PAXIP1: variants seen among roughly 807,000 people sequenced by gnomAD.
PAXIP1 encodes the protein PAX-interacting protein 1.
A neutral mutation model predicts 140.6 loss-of-function variants in PAXIP1; 19 were observed. The ratio of observed to expected loss-of-function variants is 0.14; its 90% CI spans 0.09 to 0.20. The LOEUF is 0.20. PAXIP1 is among the 10% of genes least tolerant of loss of function. The pLI is 1.00. For missense variants in PAXIP1, 920 were observed against 1,208.6 expected (o/e 0.76, Z 3.54); for synonymous variants, 442 against 444.6 (o/e 0.99, Z 0.07).
chr7:154,961,046 C>T lies in PAXIP1; in HGVS notation c.2281G>A (p.Glu761Lys). 6.3e-7 allele frequency: 1 copy of T among 1,589,758 alleles called. No individual in the cohort carries two copies. The highest frequency in any genetic ancestry group is 1.7e-4 in the Middle Eastern group (1 of 6,000). Reference sequence around the variant, plus strand: ...GCGTTGACACAGGGTATCCTCCACTCTTTGGCTTTTTCATACTTTAAACCA... The same window carrying T: ...GCGTTGACACAGGGTATCCTCCACTTTTTGGCTTTTTCATACTTTAAACCA... ...PTGLKYEKAK[E>K]WRIPCVNAQW... Residue 761 changes from glutamate (E) to lysine (K), a missense_variant, in exon 12 of 21, where the codon GAG becomes AAG. Glu to Lys is a moderately conservative substitution (Grantham distance 56, BLOSUM62 1). This residue lies in a region of PAXIP1 where 303 missense variants were observed against 517.9 expected (regional missense o/e 0.59). Coordinates refer to ENST00000404141, the MANE Select transcript of PAXIP1 (RefSeq NM_007349.4).
chr7:154,949,599 T>C (rs1808175449), intron 16 of PAXIP1: 1 of 152,140 alleles, frequency 6.6e-6, no homozygotes. Context: ...ATAGTTAATG[T>C]TTATGATAGA....
intron 5 of PAXIP1, among the ~76,000 whole-genome samples, chr7:154,980,043 G>C (rs115655112): frequency 1.3e-5 from 2 of 152,164 alleles, no homozygotes; most frequent in African/African-American, 4.8e-5. Flanking sequence ...AAAGCTGGCT[G>C]GAAGGAAATG....
intron 8 of PAXIP1, among the ~76,000 whole-genome samples, chr7:154,966,149 C>T (rs1349929577): frequency 6.6e-6 from 1 of 152,124 alleles, no homozygotes; most frequent in Admixed American, 6.5e-5. Context: ...CTACAAATAT[C>T]CTCCTTCCAT....
intron 12 of PAXIP1, among the ~76,000 whole-genome samples, chr7:154,960,175 A>T (rs1046483300): frequency 2.0e-5 from 3 of 152,228 alleles, no homozygotes; most frequent in Non-Finnish European, 4.4e-5. Flanking sequence ...CATCGGCAGC[A>T]AACAACAAAG....
At chr7:154,944,982 CTTTT>C (rs11344042) in intron 20 of PAXIP1, 15 of 128,926 alleles carry the variant, frequency 1.2e-4, no homozygotes, top group Admixed American at 2.3e-4. Context: ...AATTTTACTT[CTTTT>C]TTTTTTTTTT....
At chr7:154,974,645 C>T (rs1809483233) in intron 6 of PAXIP1, 1 of 152,164 alleles carries the variant, frequency 6.6e-6, no homozygotes, top group Admixed American at 6.5e-5. Context: ...CCTTCACCTG[C>T]TATTACGGGA....
intron 13 of PAXIP1, 103 bp from the exon 14 acceptor site, chr7:154,957,397 A>T (rs868085923): frequency 6.9e-6 from 4 of 577,624 alleles, no homozygotes; most frequent in Non-Finnish European, 1.2e-5. Flanking sequence ...TTAAACATAT[A>T]CAAGAATCAT....
chr7:154,969,244 C>G (rs1809183893), intron 6 of PAXIP1, 118 bp from the exon 7 acceptor site: 1 of 1,088,448 alleles, frequency 9.2e-7, no homozygotes, highest in Non-Finnish European at 1.2e-6. Flanking sequence ...TAAGTAGACA[C>G]AGCAAATGAT....
chr7:154,985,481 G>A (rs1017438179), intron 4 of PAXIP1, among the ~76,000 whole-genome samples: 3 of 151,950 alleles, frequency 2.0e-5, no homozygotes, highest in Non-Finnish European at 1.5e-5. Flanking sequence ...CCTGTGCCCC[G>A]CTGCGCCCAC....
At chr7:154,990,310 G>A (rs1314319601) in intron 4 of PAXIP1, among the ~76,000 whole-genome samples, 1 of 152,032 alleles carries the variant, frequency 6.6e-6, no homozygotes, top group African/African-American at 2.4e-5. Flanking sequence ...CAAAGTGCTG[G>A]GATTATAGGC....
intron 20 of PAXIP1, 33 bp from the exon 21 acceptor site, chr7:154,944,197 C>T (rs1462118527): frequency 1.3e-6 from 2 of 1,586,602 alleles, no homozygotes; most frequent in Admixed American, 3.5e-5. Flanking sequence ...CTTTCAAACA[C>T]AAGGCAAAAG....
intron 5 of PAXIP1, among the ~76,000 whole-genome samples, chr7:154,980,557 G>A (rs1352732922): frequency 6.6e-6 from 1 of 151,992 alleles, no homozygotes. Context: ...TAGGACCACA[G>A]GCGTGAGTCA....
rs548240925 is a variant in PAXIP1, at chr7:154,953,255, C to G, written c.2821+1000G>C. On this transcript the variant is annotated intron_variant, in intron 16 of 20. Transcript: ENST00000404141. ...AGCTGTATCTTTCTGCTTAAGGGGTCGGGGGCGAGGGAGGCATAGGTGAGA... is the reference window on the plus strand; with the variant it reads ...AGCTGTATCTTTCTGCTTAAGGGGTGGGGGGCGAGGGAGGCATAGGTGAGA... 2.0e-5 allele frequency among the ~76,000 whole-genome samples: 3 copies of G among 152,134 alleles called. No individual in the cohort carries two copies. In the South Asian group the frequency reaches 6.2e-4, roughly 32 times the overall value.
chr7:154,970,446 C>T (rs993009982), intron 6 of PAXIP1, among the ~76,000 whole-genome samples: 2 of 152,126 alleles, frequency 1.3e-5, no homozygotes, highest in African/African-American at 2.4e-5. Context: ...TTGGGCACAC[C>T]CATCTCTAAA....
chr7:154,993,611 CA>C (rs1400609379), intron 3 of PAXIP1, 114 bp downstream of exon 3: 2 of 791,012 alleles, frequency 2.5e-6, no homozygotes, highest in South Asian at 1.6e-5. Context: ...AAGATGTAGA[CA>C]AAACAATCTG....
intron 4 of PAXIP1, among the ~76,000 whole-genome samples, chr7:154,988,442 GTATAA>G (rs1364036902): frequency 6.6e-6 from 1 of 152,052 alleles, no homozygotes; most frequent in Admixed American, 6.6e-5. Flanking sequence ...TTTATTACAT[GTATAA>G]TATAACAATT....
intron 2 of PAXIP1, among the ~76,000 whole-genome samples, chr7:154,995,625 G>T (rs544969862): frequency 6.6e-6 from 1 of 152,160 alleles, no homozygotes; most frequent in Non-Finnish European, 1.5e-5. Flanking sequence ...CAAGGCGGGC[G>T]GATCACTTGA....
Position 154,944,162 on chromosome 7 carries a change from T to A in PAXIP1, c.3197A>T (p.Tyr1066Phe). The A allele has an allele frequency of 6.2e-7, 1 of 1,605,688 alleles. No homozygotes were observed. The highest frequency in any genetic ancestry group is 2.2e-5 in the East Asian group (1 of 44,742). The change falls in exon 21 of 21, where the codon TAT (tyrosine) becomes TTT (phenylalanine). Residue 1066 changes from tyrosine to phenylalanine, a missense_variant and splice_region_variant. Physicochemically the swap from Tyr to Phe is conservative, Grantham distance 22. Coordinates refer to ENST00000404141, the MANE Select transcript of PAXIP1 (RefSeq NM_007349.4). ...VLTQTLDYES[Y>F]KFN ...GCCTAGACGCCATCAGTTAAACTTA[T>A]ATGTAGGCTTGTTGAGGAAAACGAC... is the stretch of plus-strand genomic sequence containing the variant.
chr7:154,947,093 G>A (rs958454560), intron 17 of PAXIP1: 6 of 268,938 alleles, frequency 2.2e-5, no homozygotes, highest in Admixed American at 9.7e-5. Flanking sequence ...GAATAAGCAA[G>A]AATATTACAA....
Sources: allele counts gnomAD v4.1 joint callset (sites outside exome capture counted in the v4.1 genomes callset), GRCh38; gene constraint gnomAD v4.1.1; regional missense constraint gnomAD v4.1.1; transcripts MANE v1.5; gene names NCBI Gene and HGNC (gene_info 2026-07-23, HGNC 2026-07-21).